IQSEC1: variants seen among roughly 807,000 people sequenced by gnomAD.
IQSEC1 encodes the protein IQ motif and SEC7 domain-containing protein 1.
IQSEC1 carries 31 observed loss-of-function variants against 91.0 expected under a neutral mutation model. The observed-to-expected ratio is 0.34, with a 90% CI of 0.26 to 0.46. IQSEC1 has a LOEUF of 0.46. Among genes scored for constraint, IQSEC1 ranks in the 20% least tolerant of loss-of-function variants. The probability of loss-of-function intolerance (pLI) is 1.00; values close to 1 mark genes in which losing one functional copy is unlikely to be tolerated. For synonymous variants in IQSEC1, 699 were observed against 662.6 expected, an observed-to-expected ratio of 1.05 and a Z score of -0.84; for missense variants, 1,388 against 1,575.6, an observed-to-expected ratio of 0.88 and a Z score of 2.02.
At chr3:13,080,544 G>A (rs1705632160) in intron 2 of IQSEC1, among the ~76,000 whole-genome samples, 1 of 152,266 alleles carries the variant, frequency 6.6e-6, no homozygotes, top group East Asian at 1.9e-4. Flanking sequence ...CAGCCCTGCA[G>A]GAGAAGAGAG....
chr3:13,047,723 C>G (rs757707925), intron 1 of IQSEC1, among the ~76,000 whole-genome samples: 1 of 152,150 alleles, frequency 6.6e-6, no homozygotes, highest in Non-Finnish European at 1.5e-5. Flanking sequence ...GAGAAGCTGC[C>G]TTGTCTCTAC....
rs555250840 is a variant in IQSEC1 at position 13,025,286 on chromosome 3, C to T, written c.23+47706G>A. Among the ~76,000 whole-genome samples, 15 of 152,390 alleles carry T rather than the reference C, an allele frequency of 9.8e-5. No individual in the cohort carries two copies. The East Asian group carries it at 2.9e-3, about 29-fold the overall frequency. ...CCGGGCTCTGCAGAGAACTGGCTCG[C>T]CCTCCAACCTCAGTCCAGTGACTCA... is the stretch of plus-strand genomic sequence containing the variant. On this transcript the variant is annotated intron_variant, in intron 1 of 13. Transcript: ENST00000613206.
intron 1 of IQSEC1, among the ~76,000 whole-genome samples, chr3:13,178,551 C>G (rs1330978583): frequency 6.6e-6 from 1 of 152,224 alleles, no homozygotes; most frequent in African/African-American, 2.4e-5. Flanking sequence ...TGGGTTGCAC[C>G]CTTCTCAGCT....
chr3:12,921,047 C>A lies in IQSEC1; in HGVS notation c.1854-451G>T, dbSNP rs534131310. 2.6e-3 allele frequency among the ~76,000 whole-genome samples: 396 copies of A among 152,286 alleles called. 4 individuals carry two copies. The highest frequency in any genetic ancestry group is 9.2e-3 in the African/African-American group (381 of 41,566). On this transcript the variant is annotated intron_variant, in intron 5 of 13. Transcript: ENST00000613206. The stretch of plus-strand genomic sequence containing the variant: ...CAGAGGGAGAAGCACTCTGCCTTGT[C>A]TCAGCCATGGCTACTGAGGGGCCTC...
At chr3:12,938,167 A>G (rs1181662914) in intron 2 of IQSEC1, among the ~76,000 whole-genome samples, 2 of 152,180 alleles carry the variant, frequency 1.3e-5, no homozygotes, top group African/African-American at 4.8e-5. Context: ...TGGGGCTAGG[A>G]GCCAGGCAAA....
intron 1 of IQSEC1, among the ~76,000 whole-genome samples, chr3:13,231,589 T>A (rs1389666821): frequency 6.6e-6 from 1 of 152,154 alleles, no homozygotes; most frequent in Non-Finnish European, 1.5e-5. Flanking sequence ...ATGATGGGGA[T>A]TAGGGTTTTA....
rs1287863390 is a variant in IQSEC1, at chr3:12,899,136, G to C, written c.*1847C>G. 3 of 540,306 alleles carry C rather than the reference G, an allele frequency of 5.6e-6. No individual in the cohort carries two copies. The African/African-American group carries it at 5.7e-5, about 10-fold the overall frequency. The allele number at this position is 540,306 out of a possible 1,614,324, so 33.5% of individuals were successfully genotyped here. A position where few individuals can be genotyped will look rare whatever the true frequency, so the allele number is the denominator to read the frequency against. ...GCTTGGTTTGCAGATTTGCTGGTAC[G>C]GTGATCTCAATGATATGACCGAGGG... On this transcript the variant is annotated 3_prime_UTR_variant, in exon 14 of 14. Coordinates refer to ENST00000613206, the MANE Select transcript of IQSEC1 (RefSeq NM_001134382.3).
intron 1 of IQSEC1, among the ~76,000 whole-genome samples, chr3:13,251,530 C>T (rs1695193860): frequency 6.6e-6 from 1 of 152,196 alleles, no homozygotes; most frequent in Non-Finnish European, 1.5e-5. Context: ...AATTCCCGAC[C>T]AGCAAGATGC....
chr3:13,191,476 AATTTTTTTTTTTT>A (rs1391200774), intron 1 of IQSEC1, among the ~76,000 whole-genome samples: 5 of 111,840 alleles, frequency 4.5e-5, no homozygotes, highest in South Asian at 3.1e-4. Flanking sequence ...ACACCCAGCT[AATTTTTTTTTTTT>A]TTTTTTTTTT....
chr3:12,908,462 T>C lies in IQSEC1; in HGVS notation c.2642A>G (p.Lys881Arg), dbSNP rs750854478. The change falls in exon 12 of 14, where the codon AAG becomes AGG. Residue 881 changes from lysine to arginine, a missense_variant. Coordinates refer to ENST00000613206, the MANE Select transcript of IQSEC1 (RefSeq NM_001134382.3). This position sits in a 1 kb window ranked among gnomAD's most constrained non-coding sequence, Gnocchi z 4.9. ...PSMSQCSSLK[K>R]ESGNGTLSRA... Reference sequence around the variant, plus strand: ...GCTCAGTGTTCCGTTGCCCGACTCCTTTTTGAGGCTAGAGCACTGGGACAT... The same window carrying C: ...GCTCAGTGTTCCGTTGCCCGACTCCCTTTTGAGGCTAGAGCACTGGGACAT... 2.5e-5 allele frequency: 40 copies of C among 1,613,466 alleles called. No individual in the cohort carries two copies. Among genetic ancestry groups the C allele is most frequent in the Non-Finnish European group, 3.4e-5 (40 of 1,180,014 alleles).
Position 12,971,350 on chromosome 3 carries a change from C to T in IQSEC1, c.24-29485G>A, listed in dbSNP as rs140616500. Among the ~76,000 whole-genome samples, 376 of 152,240 alleles carry T rather than the reference C, an allele frequency of 2.5e-3. 1 individual carries two copies. Among genetic ancestry groups the T allele is most frequent in the Middle Eastern group, 6.8e-3 (2 of 294 alleles). On this transcript the variant is annotated intron_variant, in intron 1 of 13. Transcript: ENST00000613206. ...ACAAGATGGGATGCACTGTTGGGAA[C>T]GAATCCTACAGCGCCGCCTGCCCAT...
intron 2 of IQSEC1, among the ~76,000 whole-genome samples, chr3:12,941,079 C>A (rs1211471209): frequency 6.6e-6 from 1 of 152,210 alleles, no homozygotes; most frequent in Admixed American, 6.5e-5. Context: ...GAGCAAGCAG[C>A]CTCCCCTGGC....
At chr3:13,098,457 G>A (rs935407333) in intron 2 of IQSEC1, among the ~76,000 whole-genome samples, 2 of 152,080 alleles carry the variant, frequency 1.3e-5, no homozygotes, top group African/African-American at 2.4e-5. Context: ...CCCCAGAAAG[G>A]GAACGGTCTA....
chr3:12,969,504 G>A (rs1252607021), intron 1 of IQSEC1, among the ~76,000 whole-genome samples: 1 of 152,250 alleles, frequency 6.6e-6, no homozygotes, highest in Admixed American at 6.5e-5. Context: ...TCTGGCATCT[G>A]TCATGGTTAG....
intron 1 of IQSEC1, among the ~76,000 whole-genome samples, chr3:13,009,564 C>T (rs1425850817): frequency 6.6e-6 from 1 of 151,828 alleles, no homozygotes; most frequent in East Asian, 1.9e-4. Flanking sequence ...CCAAGTATAA[C>T]TCCAACTTCC....
intron 1 of IQSEC1, among the ~76,000 whole-genome samples, chr3:13,036,510 C>T (rs1051464725): frequency 2.0e-5 from 3 of 152,158 alleles, no homozygotes; most frequent in Non-Finnish European, 4.4e-5. Context: ...ATTCCCACTT[C>T]GCCTGACTTC....
intron 2 of IQSEC1, among the ~76,000 whole-genome samples, chr3:13,084,515 G>T (rs1043268145): frequency 3.3e-5 from 5 of 152,210 alleles, no homozygotes; most frequent in East Asian, 1.9e-4. Flanking sequence ...GCCTCGTGGG[G>T]CTGACCGTCC....
At chr3:13,161,516 T>C (rs568113835) in intron 2 of IQSEC1, among the ~76,000 whole-genome samples, 9 of 152,038 alleles carry the variant, frequency 5.9e-5, no homozygotes, top group African/African-American at 1.9e-4. Context: ...CCTCTGGTCC[T>C]GAGAAAAGGG....
chr3:13,248,192 C>T (rs1021600989), intron 1 of IQSEC1, among the ~76,000 whole-genome samples: 1 of 152,168 alleles, frequency 6.6e-6, no homozygotes, highest in Non-Finnish European at 1.5e-5. Flanking sequence ...GTGGTCAGAC[C>T]CCTATTGTGT....
Sources: gnomAD v4.1 joint callset for allele counts (sites outside exome capture counted in the v4.1 genomes callset) on GRCh38, gnomAD v4.1.1 for gene constraint, Gnocchi (gnomAD v3.1) non-coding constraint, MANE v1.5 for transcripts, NCBI Gene and HGNC (gene_info 2026-07-23, HGNC 2026-07-21) for gene names.